The following TRAK2 variants were observed in gnomAD, a reference collection of about 807,000 sequenced individuals.
The protein encoded by TRAK2 is trafficking kinesin protein 2.
A neutral mutation model predicts 104.6 loss-of-function variants in TRAK2; 81 were observed. The ratio of observed to expected loss-of-function variants is 0.77; its 90% confidence interval spans 0.65 to 0.93. The LOEUF is 0.93. Among genes scored for constraint, TRAK2 ranks in the 40% least tolerant of loss-of-function variants. The pLI, the probability that TRAK2 is intolerant of heterozygous loss-of-function variation, is 0.00. For synonymous variants in TRAK2, 406 were observed against 394.4 expected (o/e 1.03, Z -0.35); for missense variants, 1,002 against 1,089.0 (o/e 0.92, Z 1.12).
chr2:201,419,108 A>G (rs1951718240), intron 2 of TRAK2: 1 of 152,226 alleles, frequency 6.6e-6, no homozygotes, highest in African/African-American at 2.4e-5. Context: ...TAAGCACATG[A>G]AAAGGTGCTC....
intron 12 of TRAK2, among the ~76,000 whole-genome samples, chr2:201,388,406 C>G (rs139061408): frequency 1.3e-5 from 2 of 151,850 alleles, no homozygotes; most frequent in African/African-American, 4.8e-5. Context: ...AAAAACGCTA[C>G]GGATTAAACT....
chr2:201,386,462 C>T lies in TRAK2; in HGVS notation c.1719G>A (p.Trp573Ter). 1 of 1,614,086 alleles carries T rather than the reference C, an allele frequency of 6.2e-7. No homozygotes were observed. The highest frequency in any genetic ancestry group is 8.5e-7 in the Non-Finnish European group (1 of 1,179,988). Residue 573 changes from tryptophan (W) to a stop codon, truncating the protein, a stop_gained, in exon 14 of 16, where the codon TGG becomes TGA. Coordinates refer to ENST00000332624, the MANE Select transcript of TRAK2 (RefSeq NM_015049.3). LOFTEE classifies it high-confidence loss of function. ...CCAAGTTTGGTTGAGCAAGCTGCTG[C>T]CAGTGATACAGAGTTTGTGATCCTG... ...PLEGSQTLYH[W>*]QQLAQPNLGT...
chr2:201,446,851 T>C (rs1427475852), intron 1 of TRAK2, among the ~76,000 whole-genome samples: 2 of 152,248 alleles, frequency 1.3e-5, no homozygotes, highest in Non-Finnish European at 2.9e-5. Flanking sequence ...CTGATAGTTG[T>C]ATAAAGCTTT....
chr2:201,445,593 A>G (rs1559457033), intron 1 of TRAK2, among the ~76,000 whole-genome samples: 1 of 152,240 alleles, frequency 6.6e-6, no homozygotes, highest in Non-Finnish European at 1.5e-5. Flanking sequence ...GGCTTCACAC[A>G]GGATGTAAGA....
chr2:201,382,040 C>T lies in TRAK2; in HGVS notation c.2070-822G>A, dbSNP rs559338041. On this transcript the variant is annotated intron_variant, in intron 15 of 15. Coordinates refer to ENST00000332624, the MANE Select transcript of TRAK2 (RefSeq NM_015049.3). ...GTAAATCTTGCAGTTTGGCTAACTC[C>T]GGGTATATAGCCCCAGCTGGGTTAT... Among the ~76,000 whole-genome samples, 25 of 152,264 alleles carry T rather than the reference C, an allele frequency of 1.6e-4. No homozygotes were observed. In the South Asian group the frequency reaches 2.1e-3, roughly 13 times the overall value.
Position 201,420,887 on chromosome 2 carries a change from T to C in TRAK2, c.-199-181A>G, listed in dbSNP as rs560790587. 2.6e-5 allele frequency among the ~76,000 whole-genome samples: 4 copies of C among 152,344 alleles called. No homozygotes were observed. The East Asian group carries it at 5.8e-4, about 22-fold the overall frequency. ...AAAGAGTACACAGTTTATGACTTCA[T>C]TTACATAAAATTCTAGAAAATGTCC... On this transcript the variant is annotated intron_variant, in intron 1 of 15. Coordinates refer to ENST00000332624, the MANE Select transcript of TRAK2 (RefSeq NM_015049.3).
intron 1 of TRAK2, among the ~76,000 whole-genome samples, chr2:201,449,850 G>T (rs1214439756): frequency 6.6e-6 from 1 of 151,790 alleles, no homozygotes; most frequent in East Asian, 1.9e-4. Flanking sequence ...TCACCATATT[G>T]GCCAGGCTGG....
At chr2:201,422,102 T>C (rs1951746501) in intron 1 of TRAK2, among the ~76,000 whole-genome samples, 1 of 151,598 alleles carries the variant, frequency 6.6e-6, no homozygotes, top group African/African-American at 2.4e-5. Flanking sequence ...CAGAAGGCTA[T>C]TTGGCAATGT....
At chr2:201,441,388 G>C (rs1951918854) in intron 1 of TRAK2, among the ~76,000 whole-genome samples, 1 of 152,174 alleles carries the variant, frequency 6.6e-6, no homozygotes, top group Admixed American at 6.5e-5. Flanking sequence ...GATCATGAAT[G>C]CATTTAAAAT....
intron 3 of TRAK2, among the ~76,000 whole-genome samples, chr2:201,405,059 G>A (rs1194589612): frequency 6.6e-6 from 1 of 152,180 alleles, no homozygotes; most frequent in Non-Finnish European, 1.5e-5. Flanking sequence ...ATTGTACAAA[G>A]CTAGTACATG....
At chr2:201,411,667 T>C (rs1413888904) in intron 2 of TRAK2, 1 of 796,694 alleles carries the variant, frequency 1.3e-6, no homozygotes, top group Non-Finnish European at 2.3e-6. Context: ...TGAGTAAAAG[T>C]ACATTTGTAA....
chr2:201,409,243 G>A (rs990814378), intron 2 of TRAK2, among the ~76,000 whole-genome samples: 4 of 151,032 alleles, frequency 2.6e-5, no homozygotes, highest in African/African-American at 7.3e-5. Flanking sequence ...AGTACAATGC[G>A]CCTTGCACAC....
At chr2:201,421,146 T>G (rs988166810) in intron 1 of TRAK2, among the ~76,000 whole-genome samples, 3 of 152,232 alleles carry the variant, frequency 2.0e-5, no homozygotes, top group Non-Finnish European at 2.9e-5. Flanking sequence ...CTGTTTAAAG[T>G]AATACACTAA....
chr2:201,413,272 TA>T, intron 2 of TRAK2: 1 of 1,309,844 alleles, frequency 7.6e-7, no homozygotes, highest in Non-Finnish European at 1.1e-6. Flanking sequence ...GTTACTTCTG[TA>T]ACAGTACTCT....
intron 1 of TRAK2, among the ~76,000 whole-genome samples, chr2:201,429,508 G>A (rs183892713): frequency 3.3e-5 from 5 of 152,306 alleles, no homozygotes; most frequent in Non-Finnish European, 5.9e-5. Flanking sequence ...CCAATCACAC[G>A]TAGATTTGGT....
chr2:201,386,081 T>G, intron 14 of TRAK2, 137 bp downstream of exon 14: 1 of 903,774 alleles, frequency 1.1e-6, no homozygotes. Flanking sequence ...ATGCCACTAA[T>G]GCTATAGATT....
At chr2:201,392,056 G>A (rs988307856) in intron 10 of TRAK2, among the ~76,000 whole-genome samples, 1 of 152,024 alleles carries the variant, frequency 6.6e-6, no homozygotes, top group African/African-American at 2.4e-5. Context: ...AAATGTCCTC[G>A]TTTTTAGTAA....
intron 4 of TRAK2, among the ~76,000 whole-genome samples, chr2:201,399,897 A>G (rs939851923): frequency 3.9e-5 from 6 of 152,112 alleles, no homozygotes; most frequent in African/African-American, 1.4e-4. Context: ...TGTATCAAGC[A>G]TGGTAATGAT....
chr2:201,403,004 A>C (rs532181158), intron 3 of TRAK2, among the ~76,000 whole-genome samples: 5 of 152,242 alleles, frequency 3.3e-5, no homozygotes, highest in African/African-American at 1.2e-4. Flanking sequence ...TTTAACAAAC[A>C]CATGACATGA....
Sources: gnomAD v4.1 joint callset for allele counts (sites outside exome capture counted in the v4.1 genomes callset) on GRCh38, gnomAD v4.1.1 for gene constraint, MANE v1.5 for transcripts, NCBI Gene and HGNC (gene_info 2026-07-23, HGNC 2026-07-21) for gene names.